EFHD1: variants seen among roughly 807,000 people sequenced by gnomAD.
EFHD1 encodes EF-hand domain-containing protein D1.
In EFHD1, 10 loss-of-function variants were observed where a neutral mutation model predicts 17.2. The observed-to-expected ratio is 0.58, with a 90% confidence interval of 0.36 to 0.99. The LOEUF (loss-of-function observed/expected upper bound fraction) is 0.99. EFHD1 is among the 50% of genes least tolerant of loss of function. The pLI is 0.01. For synonymous variants in EFHD1, 153 were observed against 142.0 expected, an observed-to-expected ratio of 1.08 and a Z score of -0.55; for missense variants, 310 against 327.5, an observed-to-expected ratio of 0.95 and a Z score of 0.41.
intron 1 of EFHD1, among the ~76,000 whole-genome samples, chr2:232,623,680 AAAAAAAAAAAAAAAGAAGAAG>A (rs1276466855): frequency 8.3e-6 from 1 of 120,816 alleles, no homozygotes; most frequent in East Asian, 2.2e-4. Context: ...GTCCAAAAAA[AAAAAAAAAAAAAAAGAAGAAG>A]AAGAAGAAGA....
chr2:232,653,234 C>T (rs1349845323), intron 1 of EFHD1, among the ~76,000 whole-genome samples: 1 of 152,156 alleles, frequency 6.6e-6, no homozygotes, highest in African/African-American at 2.4e-5. Context: ...CTCAGGTGAT[C>T]CACCCGCCTA....
At chr2:232,662,277 A>G (rs1218487288) in intron 1 of EFHD1, among the ~76,000 whole-genome samples, 1 of 152,064 alleles carries the variant, frequency 6.6e-6, no homozygotes, top group Non-Finnish European at 1.5e-5. Flanking sequence ...ATCATGAGCC[A>G]GAGTCATGAT....
intron 1 of EFHD1, among the ~76,000 whole-genome samples, chr2:232,644,026 C>A: frequency 6.6e-6 from 1 of 152,144 alleles, no homozygotes; most frequent in East Asian, 1.9e-4. Context: ...GGGGTGGACC[C>A]ACAGCTAGGA....
intron 2 of EFHD1, among the ~76,000 whole-genome samples, chr2:232,668,836 G>T (rs1695014467): frequency 6.6e-6 from 1 of 152,018 alleles, no homozygotes; most frequent in African/African-American, 2.4e-5. Context: ...GTTTCACCAT[G>T]TTGGTCATGC....
chr2:232,655,286 C>T (rs1694740913), intron 1 of EFHD1, among the ~76,000 whole-genome samples: 1 of 152,178 alleles, frequency 6.6e-6, no homozygotes, highest in Non-Finnish European at 1.5e-5. Context: ...TCTGGAGTAG[C>T]TAGGATTACA....
intron 1 of EFHD1, among the ~76,000 whole-genome samples, chr2:232,656,285 A>G (rs1559350668): frequency 6.6e-6 from 1 of 152,102 alleles, no homozygotes; most frequent in Non-Finnish European, 1.5e-5. Context: ...TATTTCGCCC[A>G]TGAGTTTTCT....
chr2:232,632,899 G>A (rs1054084064), upstream of EFHD1, among the ~76,000 whole-genome samples: 2 of 152,370 alleles, frequency 1.3e-5, no homozygotes, highest in Non-Finnish European at 2.9e-5. Flanking sequence ...TGGGATTGCG[G>A]ATGTGAGTCT....
chr2:232,672,394 A>T lies in EFHD1; in HGVS notation c.536A>T (p.Asp179Val), dbSNP rs1374545930. The change falls in exon 3 of 4, where the codon GAT becomes GTT. Residue 179 changes from aspartate (D) to valine (V), a missense_variant. By Grantham distance (152) the Asp-to-Val change is radical. Coordinates refer to ENST00000264059, the MANE Select transcript of EFHD1 (RefSeq NM_025202.4). ...LMALAKLSEI[D>V]VALEGVKGAK... ...GCGCTGGCAAAGCTTTCTGAGATCG[A>T]TGTGGCCCTGGAGGGTGTCAAAGGT... The T allele has an allele frequency of 2.5e-6, 4 of 1,613,810 alleles. No individual in the cohort carries two copies. Among genetic ancestry groups the T allele is most frequent in the Non-Finnish European group, 3.4e-6 (4 of 1,179,920 alleles).
At chr2:232,651,990 C>A (rs1349399526) in intron 1 of EFHD1, among the ~76,000 whole-genome samples, 1 of 152,176 alleles carries the variant, frequency 6.6e-6, no homozygotes, top group African/African-American at 2.4e-5. Flanking sequence ...GTTAGGGGGT[C>A]AGGCTGGGGG....
rs561248653 is a variant in EFHD1 at position 232,620,294 on chromosome 2, A to C, written c.14+14121A>C. 3.9e-4 allele frequency among the ~76,000 whole-genome samples: 58 copies of C among 149,522 alleles called. 2 individuals are homozygous for C. In the South Asian group the frequency reaches 0.013, roughly 34 times the overall value. ...TCCCAGCTACTCGGGAGGCTGAGGC[A>C]GGAGAATGGCGTGAACCCGGGAGGT... On this transcript the variant is annotated intron_variant, in intron 1 of 3. Coordinates refer to the EFHD1 transcript ENST00000409613.
intron 1 of EFHD1, among the ~76,000 whole-genome samples, chr2:232,616,176 C>T (rs906181242): frequency 7.9e-5 from 12 of 152,150 alleles, no homozygotes; most frequent in African/African-American, 1.9e-4. Context: ...ATAGAGAAAA[C>T]GCAGTATTAC....
chr2:232,662,296 CAG>C (rs200388473), intron 1 of EFHD1, among the ~76,000 whole-genome samples: 2,551 of 152,212 alleles, frequency 0.017, 36 homozygotes, highest in Non-Finnish European at 0.026. Context: ...ATTCCGCACA[CAG>C]GGGTGGGAAG....
chr2:232,630,916 T>TA (rs1327977157), upstream of EFHD1, among the ~76,000 whole-genome samples: 3 of 152,136 alleles, frequency 2.0e-5, no homozygotes, highest in Non-Finnish European at 2.9e-5. Context: ...TTTCAGCATG[T>TA]AAAAAATGGT....
At chr2:232,606,565 T>G in intron 1 of EFHD1, 2 of 317,444 alleles carry the variant, frequency 6.3e-6, no homozygotes, top group Non-Finnish European at 1.2e-5. Flanking sequence ...CCTGAGCAGG[T>G]TCCTCACCTG....
intron 1 of EFHD1, among the ~76,000 whole-genome samples, chr2:232,627,582 C>A (rs889226512): frequency 6.6e-6 from 1 of 152,028 alleles, no homozygotes; most frequent in African/African-American, 2.4e-5. Context: ...ATTGGATTTT[C>A]TTCATATACT....
chr2:232,650,632 G>A (rs941099416), intron 1 of EFHD1, among the ~76,000 whole-genome samples: 6 of 142,992 alleles, frequency 4.2e-5, no homozygotes, highest in East Asian at 4.2e-4. Flanking sequence ...GCAGTGGTGC[G>A]ATCTTGGCTC....
At chr2:232,680,581 C>T (rs887648634) in intron 3 of EFHD1, among the ~76,000 whole-genome samples, 6 of 152,102 alleles carry the variant, frequency 3.9e-5, no homozygotes, top group Admixed American at 3.9e-4. Flanking sequence ...GAGATGGAGT[C>T]TCACTGCAGC....
chr2:232,638,308 A>G (rs1364633556), intron 1 of EFHD1: 1 of 469,846 alleles, frequency 2.1e-6, no homozygotes, highest in African/African-American at 2.0e-5. Flanking sequence ...ATGCAGCCGC[A>G]AGGTTTTTGC....
At chr2:232,642,211 C>T (rs956864949) in intron 1 of EFHD1, among the ~76,000 whole-genome samples, 5 of 151,686 alleles carry the variant, frequency 3.3e-5, no homozygotes, top group Admixed American at 1.3e-4. Flanking sequence ...GGTGAAACCC[C>T]GTCTCTACTA....
Sources: gnomAD v4.1 joint callset for allele counts (sites outside exome capture counted in the v4.1 genomes callset) on GRCh38, gnomAD v4.1.1 for gene constraint, MANE v1.5 for transcripts, NCBI Gene and HGNC (gene_info 2026-07-23, HGNC 2026-07-21) for gene names.